Variants in COL15A1 observed in about 807,000 individuals in gnomAD.
COL15A1 encodes collagen type XV alpha 1 chain, also known as collagen alpha-1(XV) chain.
In COL15A1, 111 loss-of-function variants were observed where a neutral mutation model predicts 165.9. The observed-to-expected ratio is 0.67, with a 90% CI of 0.57 to 0.78. COL15A1 has a LOEUF of 0.78. Ranked by LOEUF, COL15A1 falls within the 30% of genes least tolerant of loss-of-function variation. The pLI is 0.00. For missense variants in COL15A1, 1,745 were observed against 1,789.7 expected (o/e 0.98, Z 0.45); for synonymous variants, 659 against 674.8 (o/e 0.98, Z 0.36).
At chr9:99,050,209 G>A (rs968325896) in intron 30 of COL15A1, among the ~76,000 whole-genome samples, 9 of 152,172 alleles carry the variant, frequency 5.9e-5, no homozygotes, top group Admixed American at 4.6e-4. Context: ...AAATAGACCC[G>A]TTAGAAAACA....
intron 4 of COL15A1, 52 bp downstream of exon 4, chr9:98,987,420 C>A: frequency 6.6e-7 from 1 of 1,511,176 alleles, no homozygotes; most frequent in Non-Finnish European, 9.0e-7. Context: ...GCAGCCGCAG[C>A]CTGGGGAGGG....
chr9:99,054,522 A>G (rs1023132713), intron 31 of COL15A1, 54 bp from the exon 32 acceptor site: 26 of 1,542,314 alleles, frequency 1.7e-5, no homozygotes, highest in Admixed American at 6.6e-5. Flanking sequence ...AAGGTTTTAT[A>G]TAGAAAGAAG....
At position 99,030,364 on chromosome 9, in the gene COL15A1, T is replaced by G. The variant is rs553615051; in HGVS notation, c.2044-4185T>G. Among the ~76,000 whole-genome samples the G allele has an allele frequency of 1.4e-3, 211 of 152,348 alleles. 1 individual carries two copies. Among genetic ancestry groups the G allele is most frequent in the African/African-American group, 4.7e-3 (194 of 41,578 alleles). ...CTCTCACTAAGAAATAATGTACAAC[T>G]CCAACATCACCATTTTGGGAATAGG... is the stretch of plus-strand genomic sequence containing the variant. On this transcript the variant is annotated intron_variant, in intron 16 of 41. Transcript: ENST00000375001.
chr9:99,013,891 A>C (rs1004057935), intron 9 of COL15A1, among the ~76,000 whole-genome samples: 3 of 152,188 alleles, frequency 2.0e-5, no homozygotes, highest in Admixed American at 2.0e-4. Context: ...TGAAGGGGGA[A>C]GGAGGTATAG....
chr9:98,957,689 G>A (rs777229236), intron 2 of COL15A1, among the ~76,000 whole-genome samples: 1 of 151,974 alleles, frequency 6.6e-6, no homozygotes, highest in Non-Finnish European at 1.5e-5. Context: ...CTCTTTGTGT[G>A]TTTGTGTGAG....
chr9:98,999,205 C>A (rs769859159), intron 6 of COL15A1, among the ~76,000 whole-genome samples: 1 of 152,238 alleles, frequency 6.6e-6, no homozygotes, highest in Non-Finnish European at 1.5e-5. Context: ...GTGAGCACAG[C>A]GTGTGTGGGA....
At chr9:98,971,567 C>T (rs186920491) in intron 2 of COL15A1, among the ~76,000 whole-genome samples, 17 of 152,144 alleles carry the variant, frequency 1.1e-4, no homozygotes, top group Middle Eastern at 3.4e-3. Flanking sequence ...TCCACATGGT[C>T]CCTGGGGTGG....
chr9:99,020,504 AT>A, intron 12 of COL15A1, 62 bp downstream of exon 12: 1 of 1,224,630 alleles, frequency 8.2e-7, no homozygotes, highest in Non-Finnish European at 1.2e-6. Flanking sequence ...TGAACATGTT[AT>A]TTAGGTTTGA....
intron 2 of COL15A1, among the ~76,000 whole-genome samples, chr9:98,970,235 T>C (rs941561076): frequency 6.6e-6 from 1 of 152,224 alleles, no homozygotes; most frequent in Non-Finnish European, 1.5e-5. Flanking sequence ...CTGGATTACA[T>C]GCCAGGCATC....
intron 22 of COL15A1, among the ~76,000 whole-genome samples, chr9:99,039,359 A>G (rs1190546362): frequency 1.3e-5 from 2 of 152,150 alleles, no homozygotes; most frequent in African/African-American, 2.4e-5. Flanking sequence ...AAATACAAAA[A>G]TTAGCTGGGC....
At chr9:99,056,952 C>T (rs553007439) in intron 35 of COL15A1, among the ~76,000 whole-genome samples, 3 of 152,314 alleles carry the variant, frequency 2.0e-5, no homozygotes, top group Non-Finnish European at 4.4e-5. Context: ...TTAATCTGTT[C>T]ATGGACATTT....
intron 2 of COL15A1, among the ~76,000 whole-genome samples, chr9:98,975,132 C>T (rs1838122346): frequency 6.6e-6 from 1 of 152,260 alleles, no homozygotes; most frequent in Non-Finnish European, 1.5e-5. Flanking sequence ...TCCTCAGCCT[C>T]CCTCGCGCCT....
intron 11 of COL15A1, among the ~76,000 whole-genome samples, chr9:99,017,333 G>T (rs374123836): frequency 1.6e-4 from 25 of 152,256 alleles, no homozygotes; most frequent in East Asian, 1.4e-3. Context: ...CTGCATGCTG[G>T]CCTGCAAAGC....
At chr9:99,066,599 G>GTTTTTTTTTTTTTTTT (rs67961829) in intron 39 of COL15A1, among the ~76,000 whole-genome samples, 8 of 71,082 alleles carry the variant, frequency 1.1e-4, no homozygotes, top group Non-Finnish European at 1.7e-4. Context: ...ATTTTGTTCT[G>GTTTTTTTTTTTTTTTT]TTTTTTTTTT....
intron 2 of COL15A1, among the ~76,000 whole-genome samples, chr9:98,974,052 A>G (rs1268863378): frequency 6.6e-6 from 1 of 152,196 alleles, no homozygotes; most frequent in Non-Finnish European, 1.5e-5. Flanking sequence ...AACATCTGAG[A>G]GGTCAGGATG....
intron 14 of COL15A1, among the ~76,000 whole-genome samples, chr9:99,023,768 T>G (rs1042004510): frequency 6.6e-6 from 1 of 152,188 alleles, no homozygotes; most frequent in African/African-American, 2.4e-5. Flanking sequence ...CCTTCACCTC[T>G]GCCAACTGGC....
intron 2 of COL15A1, among the ~76,000 whole-genome samples, chr9:98,950,541 C>T (rs1422845461): frequency 2.8e-5 from 3 of 106,160 alleles, no homozygotes; most frequent in African/African-American, 1.4e-4. Flanking sequence ...CTTCCCTTCC[C>T]TTCCCTTCCC....
intron 2 of COL15A1, among the ~76,000 whole-genome samples, chr9:98,977,549 T>C (rs1369191081): frequency 6.6e-6 from 1 of 151,978 alleles, no homozygotes; most frequent in Non-Finnish European, 1.5e-5. Flanking sequence ...CATGGGACAG[T>C]GGATGTGGAA....
At chr9:98,978,463 C>A (rs1369621907) in intron 2 of COL15A1, among the ~76,000 whole-genome samples, 3 of 152,150 alleles carry the variant, frequency 2.0e-5, no homozygotes, top group Non-Finnish European at 4.4e-5. Context: ...CTGTTCCCAG[C>A]AGGAAAGAGA....
Sources: allele counts gnomAD v4.1 joint callset (sites outside exome capture counted in the v4.1 genomes callset), GRCh38; gene constraint gnomAD v4.1.1; transcripts MANE v1.5; gene names NCBI Gene and HGNC (gene_info 2026-07-23, HGNC 2026-07-21).